The following PCSK7 variants were observed in gnomAD, a reference collection of about 807,000 sequenced individuals.
PCSK7 encodes proprotein convertase subtilisin/kexin type 7, also known as lymphoma proprotein convertase.
Under a neutral mutation model 73.3 loss-of-function variants are expected in PCSK7, and 38 were observed. The ratio of observed to expected loss-of-function variants is 0.52; its 90% CI spans 0.40 to 0.68. The LOEUF (loss-of-function observed/expected upper bound fraction) is 0.68, where lower values mean the gene tolerates loss of function less well. Among genes scored for constraint, PCSK7 ranks in the 30% least tolerant of loss-of-function variants. The pLI, the probability that PCSK7 is intolerant of heterozygous loss-of-function variation, is 0.00. For missense variants in PCSK7, 692 were observed against 991.5 expected (o/e 0.70, Z 4.06); for synonymous variants, 296 against 383.8 (o/e 0.77, Z 2.68).
intron 9 of PCSK7, chr11:117,222,309 G>A (rs919576045): frequency 6.6e-6 from 1 of 152,200 alleles, no homozygotes; most frequent in Non-Finnish European, 1.5e-5. Context: ...GGTTCCACAG[G>A]TTAGAGAAGC....
chr11:117,213,680 C>T (rs12418705), intron 12 of PCSK7: 8,316 of 152,226 alleles, frequency 0.055, 269 homozygotes, highest in Middle Eastern at 0.1. Context: ...TGCTTGTCTG[C>T]GTTCGCAGTG....
Position 117,218,370 on chromosome 11 carries a change from G to T in PCSK7, c.1534+96C>A, listed in dbSNP as rs150040761. ...TTTGGCTGGAGCTCAGCTCCGAAAGGGGGTAGAATCTGGCAGGGAGGACGA... is the reference window on the plus strand; with the variant it reads ...TTTGGCTGGAGCTCAGCTCCGAAAGTGGGTAGAATCTGGCAGGGAGGACGA... On this transcript the variant is annotated intron_variant, in intron 12 of 16. Coordinates refer to ENST00000320934, the MANE Select transcript of PCSK7 (RefSeq NM_004716.4). The surrounding 1 kb of genome is among the most constrained non-coding windows in gnomAD (Gnocchi z 4.0). The T allele has an allele frequency of 3.1e-6, 2 of 636,840 alleles. No individual in the cohort carries two copies. Among genetic ancestry groups the T allele is most frequent in the Non-Finnish European group, 5.4e-6 (2 of 371,904 alleles). 39.4% of individuals were successfully genotyped at this position (636,840 alleles called of 1,614,324 possible).
intron 8 of PCSK7, 73 bp downstream of exon 8, chr11:117,224,005 C>G (rs1302941027): frequency 2.8e-6 from 4 of 1,454,356 alleles, no homozygotes; most frequent in Non-Finnish European, 3.9e-6. Context: ...CACACAGAAG[C>G]TAGGACAAGA....
chr11:117,221,458 A>C (rs1011360246), intron 9 of PCSK7: 2 of 152,276 alleles, frequency 1.3e-5, no homozygotes, highest in African/African-American at 4.8e-5. Context: ...AGTCCAGAGA[A>C]GCTTTGCTTC....
In PCSK7 at chr11:117,205,012, C is replaced by T. The variant is rs2134274730; in HGVS notation, c.*985G>A. The T allele has an allele frequency of 4.9e-6, 1 of 202,344 alleles. No homozygotes were observed. Among genetic ancestry groups the T allele is most frequent in the African/African-American group, 2.3e-5 (1 of 43,548 alleles). The allele number at this position is 202,344 out of a possible 1,614,324, so 12.5% of individuals were successfully genotyped here. ...GGGGACCGAAGGGAAAAAGGAGCCA[C>T]TCAGCAGCATGCAGTGGCTTTGGGG... On this transcript the variant is annotated 3_prime_UTR_variant, in exon 17 of 17. Coordinates refer to ENST00000320934, the MANE Select transcript of PCSK7 (RefSeq NM_004716.4).
At chr11:117,213,700 G>C (rs2031828838) in intron 12 of PCSK7, 1 of 152,196 alleles carries the variant, frequency 6.6e-6, no homozygotes, top group Non-Finnish European at 1.5e-5. Flanking sequence ...GTACGCAGTG[G>C]CATGCTACAT....
chr11:117,210,836 G>A (rs560160528), intron 12 of PCSK7: 2 of 152,200 alleles, frequency 1.3e-5, no homozygotes, highest in African/African-American at 2.4e-5. Context: ...TCAGGAGGTT[G>A]AGGGTGGGAG....
intron 7 of PCSK7, 136 bp from the exon 8 acceptor site, chr11:117,224,352 T>C (rs1433547480): frequency 7.1e-6 from 6 of 845,126 alleles, no homozygotes; most frequent in African/African-American, 3.4e-5. Flanking sequence ...GGGGGAAAGA[T>C]TGGAAGATGG....
chr11:117,226,015 C>T lies in PCSK7; in HGVS notation c.776G>A (p.Arg259Gln). ...VAYGSRIAGI[R>Q]VLDGPLTDSM... is the part of the protein sequence containing the mutation. ...GTCTGTGAGAGGTCCATCCAGTACC[C>T]GGATACCTAGGCAATGAAGGCCACA... Residue 259 changes from arginine to glutamine, a missense_variant, in exon 6 of 17, where the codon CGG (arginine) becomes CAG (glutamine). By Grantham distance (43) the Arg-to-Gln change is conservative (BLOSUM62 1). This residue lies in a region of PCSK7 where 574 missense variants were observed against 689.8 expected (regional missense o/e 0.83). Transcript: ENST00000320934. 8.8e-6 allele frequency: 14 copies of T among 1,598,230 alleles called. No homozygotes were observed. Among genetic ancestry groups the T allele is most frequent in the Non-Finnish European group, 1.1e-5 (13 of 1,165,532 alleles).
Position 117,211,740 on chromosome 11 carries a change from C to T in PCSK7, c.1535-2687G>A, listed in dbSNP as rs2031737531. 3 of 152,226 alleles carry T rather than the reference C, an allele frequency of 2.0e-5. No homozygotes were observed. In the South Asian group the frequency reaches 6.2e-4, roughly 31 times the overall value. 9.4% of individuals were successfully genotyped at this position (152,226 alleles called of 1,614,324 possible). ...CAAATGAAAAACAAAAACAAATAAACCCTTTCTCAGTTCTTCACTTCCTGC... is the reference window on the plus strand; with the variant it reads ...CAAATGAAAAACAAAAACAAATAAATCCTTTCTCAGTTCTTCACTTCCTGC... On this transcript the variant is annotated intron_variant, in intron 12 of 16. Transcript: ENST00000320934.
At chr11:117,223,652 T>C (rs1443782887) in intron 8 of PCSK7, 3 of 361,668 alleles carry the variant, frequency 8.3e-6, no homozygotes, top group East Asian at 5.3e-5. Context: ...ATCAGGGCCA[T>C]ATGGAAAAGG....
rs778165102 is a variant in PCSK7, at chr11:117,223,212, C to T, written c.1151G>A (p.Ser384Asn). ...GAGGGCCCGGGAGGCACTCACAATGCTCCGAAGCATCTTGTCCCCACCACT... is the reference window on the plus strand; with the variant it reads ...GAGGGCCCGGGAGGCACTCACAATGTTCCGAAGCATCTTGTCCCCACCACT... Reference protein sequence around the residue: ...TFSGGDKMLRSIVTTDWDLQK... With the variant: ...TFSGGDKMLRNIVTTDWDLQK... The change falls in exon 9 of 17, where the codon AGC becomes AAC. Residue 384 changes from serine to asparagine, a missense_variant. By Grantham distance (46) the Ser-to-Asn change is conservative. Coordinates refer to ENST00000320934, the MANE Select transcript of PCSK7 (RefSeq NM_004716.4). 7 of 1,605,448 alleles carry T rather than the reference C, an allele frequency of 4.4e-6. No individual in the cohort carries two copies. The South Asian group carries it at 7.7e-5, about 18-fold the overall frequency.
At chr11:117,231,274 A>G (rs956374754) in intron 1 of PCSK7, 1 of 152,174 alleles carries the variant, frequency 6.6e-6, no homozygotes, top group Non-Finnish European at 1.5e-5. Context: ...CCTGGAAAGG[A>G]GAACTTATGC....
intron 8 of PCSK7, 77 bp downstream of exon 8, chr11:117,224,001 G>C: frequency 7.0e-7 from 1 of 1,428,050 alleles, no homozygotes; most frequent in Non-Finnish European, 9.8e-7. Flanking sequence ...GACACACACA[G>C]AAGCTAGGAC....
At position 117,205,536 on chromosome 11, in the gene PCSK7, C is replaced by T. The variant is rs1484283748; in HGVS notation, c.*461G>A. On this transcript the variant is annotated 3_prime_UTR_variant, in exon 17 of 17. Coordinates refer to ENST00000320934, the MANE Select transcript of PCSK7 (RefSeq NM_004716.4). ...CTTGGGAATGGATAATGGAGGCAGC[C>T]GCTTTCAGGACAGGCATGTCCAGGG... 9 of 235,396 alleles carry T rather than the reference C, an allele frequency of 3.8e-5. 1 individual carries two copies. In the South Asian group the frequency reaches 9.0e-4, roughly 24 times the overall value. 14.6% of individuals were successfully genotyped at this position (235,396 alleles called of 1,614,324 possible). A position where few individuals can be genotyped will look rare whatever the true frequency, so the allele number is the denominator to read the frequency against.
At chr11:117,225,891 G>T in intron 6 of PCSK7, 40 bp downstream of exon 6, 1 of 1,289,454 alleles carries the variant, frequency 7.8e-7, no homozygotes, top group Non-Finnish European at 1.1e-6. Flanking sequence ...TGTCCCAGGT[G>T]CTCCAGGCTC....
intron 7 of PCSK7, among the ~76,000 whole-genome samples, chr11:117,224,468 A>G (rs1234288263): frequency 2.6e-5 from 4 of 152,186 alleles, no homozygotes; most frequent in Admixed American, 6.5e-5. Context: ...GGGTGGGGCC[A>G]GGCATGGGAG....
At chr11:117,223,880 A>T in intron 8 of PCSK7, 198 bp downstream of exon 8, 1 of 586,360 alleles carries the variant, frequency 1.7e-6, no homozygotes, top group Non-Finnish European at 3.0e-6. Flanking sequence ...TCTCCAGATG[A>T]TGGCTTGAAG....
At chr11:117,227,984 C>T (rs1270987663) in intron 4 of PCSK7, among the ~76,000 whole-genome samples, 1 of 152,212 alleles carries the variant, frequency 6.6e-6, no homozygotes, top group African/African-American at 2.4e-5. Flanking sequence ...GCAGGGGCCA[C>T]TCCTTACTCC....
Sources: allele counts gnomAD v4.1 joint callset (sites outside exome capture counted in the v4.1 genomes callset), GRCh38; gene constraint gnomAD v4.1.1; regional missense constraint gnomAD v4.1.1; non-coding constraint Gnocchi (gnomAD v3.1); transcripts MANE v1.5; gene names NCBI Gene and HGNC (gene_info 2026-07-23, HGNC 2026-07-21).